The following NLRP5 variants were observed in gnomAD, a reference collection of about 807,000 sequenced individuals.
NLRP5 encodes the protein NACHT, LRR and PYD domains-containing protein 5.
Under a neutral mutation model 113.1 loss-of-function variants are expected in NLRP5, and 93 were observed. The observed-to-expected ratio is 0.82, with a 90% CI of 0.70 to 0.98. NLRP5 has a LOEUF of 0.98. Among genes scored for constraint, NLRP5 ranks in the 50% least tolerant of loss-of-function variants. The pLI is 0.00. For missense variants in NLRP5, 1,808 were observed against 1,514.3 expected, an observed-to-expected ratio of 1.19 and a Z score of -3.22; for synonymous variants, 751 against 600.7, an observed-to-expected ratio of 1.25 and a Z score of -3.66.
the NLRP5 span, among the ~76,000 whole-genome samples, chr19:55,987,067 G>A: frequency 2.0e-4 from 31 of 152,270 alleles, no homozygotes; most frequent in East Asian, 4.3e-3. Context: ...CAGACATTCG[G>A]TCTAAAATAC....
At chr19:56,048,540 A>AT (rs370129631) in intron 11 of NLRP5, among the ~76,000 whole-genome samples, 100,369 of 151,568 alleles carry the variant, frequency 0.66, 33,818 homozygotes, top group Non-Finnish European at 0.7. Flanking sequence ...AGGAACAAAC[A>AT]AGGGCCCCAA....
intron 13 of NLRP5, among the ~76,000 whole-genome samples, chr19:56,054,867 T>C (rs531606272): frequency 6.6e-6 from 1 of 152,102 alleles, no homozygotes; most frequent in Non-Finnish European, 1.5e-5. Flanking sequence ...ATGGAATGTT[T>C]ACCATGTGTG....
At position 56,028,596 on chromosome 19, in the gene NLRP5, C is replaced by A; in HGVS notation, c.2276+87C>A. The stretch of plus-strand genomic sequence containing the variant: ...GACTTGACATGACTTCCAGGAACTT[C>A]AAGGTCCCAGAGAATTCTTTCAGGA... On this transcript the variant is annotated intron_variant, in intron 7 of 14. Transcript: ENST00000390649. 3.1e-6 allele frequency: 4 copies of A among 1,279,142 alleles called. No individual in the cohort carries two copies. The South Asian group carries it at 5.6e-5, about 18-fold the overall frequency. The allele number at this position is 1,279,142 out of a possible 1,614,324, so 79.2% of individuals were successfully genotyped here. A position where few individuals can be genotyped will look rare whatever the true frequency, so the allele number is the denominator to read the frequency against.
In NLRP5 at chr19:56,029,051, A is replaced by C. The variant is rs148496464; in HGVS notation, c.2276+542A>C. ...AAGTGCTGGGATTACAGGCATCAGCAAGCCCCTCCCATGAATGTGACCGCT... is the reference window on the plus strand; with the variant it reads ...AAGTGCTGGGATTACAGGCATCAGCCAGCCCCTCCCATGAATGTGACCGCT... On this transcript the variant is annotated intron_variant, in intron 7 of 14. Transcript: ENST00000390649. Among the ~76,000 whole-genome samples, 1,477 of 150,820 alleles carry C rather than the reference A, an allele frequency of 9.8e-3. 21 individuals are homozygous for C. The highest frequency in any genetic ancestry group is 0.032 in the African/African-American group (1,337 of 41,164).
intron 1 of NLRP5, chr19:55,999,907 C>T: frequency 1.3e-6 from 1 of 748,604 alleles, no homozygotes; most frequent in Non-Finnish European, 2.4e-6. Flanking sequence ...CAATCCGTTG[C>T]AGCAGAACAC....
At chr19:56,057,550 C>T (rs1458656608) in intron 13 of NLRP5, among the ~76,000 whole-genome samples, 2 of 152,128 alleles carry the variant, frequency 1.3e-5, no homozygotes, top group African/African-American at 4.8e-5. Context: ...GTCCTTCCGC[C>T]TTCTCACCTT....
chr19:56,030,900 G>GA (rs1424461699), intron 7 of NLRP5, among the ~76,000 whole-genome samples: 1 of 151,670 alleles, frequency 6.6e-6, no homozygotes, highest in Non-Finnish European at 1.5e-5. Context: ...TTTTAGTAGA[G>GA]ATGGGGTTTC....
intron 2 of NLRP5, among the ~76,000 whole-genome samples, chr19:56,006,718 C>T (rs1017941140): frequency 4.0e-5 from 6 of 151,348 alleles, no homozygotes; most frequent in South Asian, 2.1e-4. Flanking sequence ...GGTGACAGAG[C>T]GAGACTCCGT....
chr19:56,001,741 G>C (rs1981660008), intron 1 of NLRP5, among the ~76,000 whole-genome samples: 1 of 152,164 alleles, frequency 6.6e-6, no homozygotes, highest in African/African-American at 2.4e-5. Context: ...GTATCTGCAA[G>C]TTTAGCTCAA....
chr19:56,042,390 T>C (rs996350796), intron 11 of NLRP5, among the ~76,000 whole-genome samples: 6 of 152,120 alleles, frequency 3.9e-5, no homozygotes, highest in Non-Finnish European at 8.8e-5. Flanking sequence ...GTCACCCAGG[T>C]TGGAGTGGCA....
intron 7 of NLRP5, among the ~76,000 whole-genome samples, chr19:56,028,725 G>A (rs1982978751): frequency 6.6e-6 from 1 of 152,164 alleles, no homozygotes. Flanking sequence ...CCCCGCCTAA[G>A]ACTAAAGGAA....
chr19:56,006,273 T>G (rs902422165), intron 2 of NLRP5, among the ~76,000 whole-genome samples: 68 of 152,024 alleles, frequency 4.5e-4, no homozygotes, highest in African/African-American at 1.6e-3. Context: ...CGGGGTCTGT[T>G]GTGGGGTGGG....
chr19:56,024,628 G>A (rs1208419981), intron 6 of NLRP5, among the ~76,000 whole-genome samples: 1 of 150,874 alleles, frequency 6.6e-6, no homozygotes. Flanking sequence ...CATGGTGGCA[G>A]GCACCTGTAA....
intron 13 of NLRP5, among the ~76,000 whole-genome samples, chr19:56,056,969 G>T (rs143721403): frequency 1.3e-5 from 2 of 151,814 alleles, no homozygotes; most frequent in African/African-American, 4.8e-5. Flanking sequence ...ATGAAACCCC[G>T]TCTATACTAA....
chr19:56,033,556 A>G lies in NLRP5; in HGVS notation c.2462A>G (p.Gln821Arg). 6.2e-7 allele frequency: 1 copy of G among 1,612,860 alleles called. No individual in the cohort carries two copies. Among genetic ancestry groups the G allele is most frequent in the Non-Finnish European group, 8.5e-7 (1 of 1,179,382 alleles). ...CCCCATTGCAGGTTTAGAAATGCAC[A>G]GATTACCCCTGGTGTGCAGCACCTC... Residue 821 changes from glutamine to arginine, a missense_variant, in exon 9 of 15, where the codon CAG (glutamine) becomes CGG (arginine). Physicochemically the swap from Gln to Arg is conservative, Grantham distance 43 (BLOSUM62 1). Coordinates refer to ENST00000390649, the MANE Select transcript of NLRP5 (RefSeq NM_153447.4).
rs776338887 is a variant in NLRP5, at chr19:56,004,118, C to G, written c.442+23C>G. On this transcript the variant is annotated intron_variant, in intron 2 of 14. Transcript: ENST00000390649. ...AAAGTAAGCGAGACTTGGGACAAGT[C>G]TAGGGCAGGGAGGGGAGGTGATTTC... The G allele has an allele frequency of 2.5e-5, 40 of 1,577,740 alleles. No individual in the cohort carries two copies. The African/African-American group carries it at 4.5e-4, about 18-fold the overall frequency.
chr19:55,997,680 A>G (rs1981369703), upstream of NLRP5, among the ~76,000 whole-genome samples: 1 of 152,066 alleles, frequency 6.6e-6, no homozygotes, highest in Non-Finnish European at 1.5e-5. Context: ...AAAAATACCA[A>G]AATACCAAAA....
At chr19:55,989,824 G>A in the NLRP5 span, among the ~76,000 whole-genome samples, 6 of 152,006 alleles carry the variant, frequency 3.9e-5, no homozygotes, top group Admixed American at 2.6e-4. Context: ...TTTTACACAC[G>A]GCTGGGTCTA....
At position 56,010,630 on chromosome 19, in the gene NLRP5, G is replaced by A. The variant is rs111766831; in HGVS notation, c.508+1777G>A. 2.2e-3 allele frequency among the ~76,000 whole-genome samples: 334 copies of A among 151,018 alleles called. 1 individual carries two copies. The highest frequency in any genetic ancestry group is 3.3e-3 in the Non-Finnish European group (222 of 67,816). Reference sequence around the variant, plus strand: ...TAGCCAGGCGTGGTGGCATGTGCCCGTAATCCTAGCTACTCAAGAGGCTGA... The same window carrying A: ...TAGCCAGGCGTGGTGGCATGTGCCCATAATCCTAGCTACTCAAGAGGCTGA... On this transcript the variant is annotated intron_variant, in intron 3 of 14. Coordinates refer to ENST00000390649, the MANE Select transcript of NLRP5 (RefSeq NM_153447.4).
Sources: allele counts gnomAD v4.1 joint callset (sites outside exome capture counted in the v4.1 genomes callset), GRCh38; gene constraint gnomAD v4.1.1; transcripts MANE v1.5; gene names NCBI Gene and HGNC (gene_info 2026-07-23, HGNC 2026-07-21).